Variants in HOOK1 observed in about 807,000 individuals in gnomAD.
HOOK1 encodes the protein hook microtubule tethering protein 1.
HOOK1 carries 60 observed loss-of-function variants against 112.8 expected under a neutral mutation model. The observed-to-expected ratio is 0.53, with a 90% CI of 0.43 to 0.66. The LOEUF is 0.66. HOOK1 is among the 30% of genes least tolerant of loss of function. The pLI is 0.00. For missense variants in HOOK1, 770 were observed against 856.0 expected (o/e 0.90, Z 1.25); for synonymous variants, 294 against 283.8 (o/e 1.04, Z -0.36).
At chr1:59,872,060 A>G (rs1395589096) in intron 21 of HOOK1, among the ~76,000 whole-genome samples, 1 of 152,192 alleles carries the variant, frequency 6.6e-6, no homozygotes, top group Non-Finnish European at 1.5e-5. Context: ...TATTGTAGCC[A>G]GGTAGTCCAT....
chr1:59,839,217 GT>G lies in HOOK1; in HGVS notation c.538-1088del, dbSNP rs550425265. Among the ~76,000 whole-genome samples the G allele has an allele frequency of 5.6e-4, 85 of 151,914 alleles. 1 individual carries two copies. Among genetic ancestry groups the G allele is most frequent in the Non-Finnish European group, 1.0e-3 (69 of 67,884 alleles). On this transcript the variant is annotated intron_variant, in intron 7 of 21. Transcript: ENST00000371208. Reference sequence around the variant, plus strand: ...GTTCCATATGAAGATTAAAGTAGTTGTTTCCAATTCTGTGAAGAAAGTCAGT... The same window carrying G: ...GTTCCATATGAAGATTAAAGTAGTTGTTCCAATTCTGTGAAGAAAGTCAGT...
chr1:59,872,152 AG>A (rs1644064936), intron 21 of HOOK1, among the ~76,000 whole-genome samples: 2 of 152,230 alleles, frequency 1.3e-5, no homozygotes, highest in Admixed American at 6.5e-5. Context: ...TGCTAAGTTC[AG>A]TAAAATTGTG....
Position 59,827,023 on chromosome 1 carries a change from C to G in HOOK1, c.150-1757C>G, listed in dbSNP as rs571197260. On this transcript the variant is annotated intron_variant, in intron 2 of 21. Transcript: ENST00000371208. ...CAGGTGATCTGGCTGCCTCGGCCCCCCAAAGCGCTGGGATTACAGGCATGA... is the reference window on the plus strand; with the variant it reads ...CAGGTGATCTGGCTGCCTCGGCCCCGCAAAGCGCTGGGATTACAGGCATGA... 1.2e-4 allele frequency among the ~76,000 whole-genome samples: 19 copies of G among 152,280 alleles called. No individual in the cohort carries two copies. The South Asian group carries it at 2.7e-3, about 22-fold the overall frequency.
chr1:59,855,625 G>C (rs1307854809), intron 12 of HOOK1, among the ~76,000 whole-genome samples: 2 of 151,746 alleles, frequency 1.3e-5, no homozygotes, highest in Admixed American at 1.3e-4. Context: ...TAAAGAATAA[G>C]GAAATTTTAT....
intron 1 of HOOK1, among the ~76,000 whole-genome samples, chr1:59,820,754 C>T (rs1300248294): frequency 6.6e-6 from 1 of 152,142 alleles, no homozygotes; most frequent in Non-Finnish European, 1.5e-5. Context: ...ATGTCTCTTC[C>T]TCCTCTCCTT....
At chr1:59,828,067 A>G (rs888591413) in intron 2 of HOOK1, among the ~76,000 whole-genome samples, 1 of 152,092 alleles carries the variant, frequency 6.6e-6, no homozygotes, top group African/African-American at 2.4e-5. Flanking sequence ...CTTCATATTA[A>G]TCTTGCTCAA....
At chr1:59,835,626 A>G (rs1028349331) in intron 6 of HOOK1, among the ~76,000 whole-genome samples, 9 of 152,142 alleles carry the variant, frequency 5.9e-5, no homozygotes, top group Non-Finnish European at 1.2e-4. Context: ...TGGTTAATAA[A>G]TTAATATTAT....
intron 2 of HOOK1, 145 bp from the exon 3 acceptor site, chr1:59,828,635 T>G: frequency 1.8e-6 from 1 of 570,500 alleles, no homozygotes; most frequent in Non-Finnish European, 3.0e-6. Context: ...CTTAATATGA[T>G]AAATTATTGC....
chr1:59,863,978 A>G (rs758384991), intron 16 of HOOK1: 10 of 183,162 alleles, frequency 5.5e-5, no homozygotes, highest in Non-Finnish European at 9.3e-5. Flanking sequence ...TTTAAAGATA[A>G]ATGTCTTTAT....
rs1267060237 is a variant in HOOK1 at position 59,868,330 on chromosome 1, G to C, written c.1926G>C (p.Glu642Asp). 1.3e-6 allele frequency: 2 copies of C among 1,598,528 alleles called. No homozygotes were observed. The highest frequency in any genetic ancestry group is 1.7e-5 in the Admixed American group (1 of 59,716). ...TAAGAAAGCAGTTGGCAGAGAAAGA[G>C]AGAAGAATTGAGATTCTGGAGGTAA... ...MLLRKQLAEK[E>D]RRIEILESEC... Residue 642 changes from glutamate to aspartate, a missense_variant, in exon 20 of 22, where the codon GAG (glutamate) becomes GAC (aspartate). Around this residue, in one of 3 missense-constraint regions of HOOK1, gnomAD observed 111 missense variants for 111.8 expected, o/e 0.99. Coordinates refer to ENST00000371208, the MANE Select transcript of HOOK1 (RefSeq NM_015888.6).
At position 59,843,548 on chromosome 1, in the gene HOOK1, G is replaced by A. The variant is rs2098402140; in HGVS notation, c.738G>A (p.Lys246=). 1.2e-6 allele frequency: 2 copies of A among 1,609,264 alleles called. No homozygotes were observed. The highest frequency in any genetic ancestry group is 1.3e-5 in the African/African-American group (1 of 74,480). ...FDDPNTVVAK[K]YFHAQLQLEQ... is the part of the protein sequence containing the mutation. The stretch of plus-strand genomic sequence containing the variant: ...ATCCAAACACAGTGGTTGCAAAAAA[G>A]TATTTTCATGCACAATTACAACTAG... Residue 246 remains lysine, a synonymous_variant, in exon 9 of 22, where the codon AAG becomes AAA. Transcript: ENST00000371208.
chr1:59,836,863 A>G lies in HOOK1; in HGVS notation c.475-10A>G. On this transcript the variant is annotated splice_polypyrimidine_tract_variant and intron_variant, in intron 6 of 21. Transcript: ENST00000371208. ...TTGTTATACTTAATTTTATTATTTTAATTTCCTAGTTGATGAGTAAAGAAA... is the reference window on the plus strand; with the variant it reads ...TTGTTATACTTAATTTTATTATTTTGATTTCCTAGTTGATGAGTAAAGAAA... The G allele has an allele frequency of 2.0e-6, 3 of 1,474,628 alleles. No homozygotes were observed. The highest frequency in any genetic ancestry group is 1.9e-6 in the Non-Finnish European group (2 of 1,064,558). The allele number at this position is 1,474,628 out of a possible 1,614,324, so 91.3% of individuals were successfully genotyped here.
intron 1 of HOOK1, among the ~76,000 whole-genome samples, chr1:59,818,468 C>G (rs1485803982): frequency 1.3e-5 from 2 of 152,174 alleles, no homozygotes; most frequent in East Asian, 1.9e-4. Context: ...TGTACTGCTA[C>G]TTAGCAGAAA....
At chr1:59,850,481 A>G (rs1448693637) in intron 12 of HOOK1, among the ~76,000 whole-genome samples, 2 of 151,444 alleles carry the variant, frequency 1.3e-5, no homozygotes, top group African/African-American at 4.8e-5. Flanking sequence ...TGTGTTTTTC[A>G]TTTAAACAGT....
intron 20 of HOOK1, 196 bp from the exon 21 acceptor site, chr1:59,870,846 G>T: frequency 2.1e-6 from 1 of 475,526 alleles, no homozygotes; most frequent in Non-Finnish European, 3.8e-6. Flanking sequence ...AGGTTTATTA[G>T]TCACAAACCT....
At position 59,871,118 on chromosome 1, in the gene HOOK1, G is replaced by A. The variant is rs763745981; in HGVS notation, c.2016+8G>A. 2 of 1,600,500 alleles carry A rather than the reference G, an allele frequency of 1.2e-6. No homozygotes were observed. Among genetic ancestry groups the A allele is most frequent in the South Asian group, 1.1e-5 (1 of 90,098 alleles). On this transcript the variant is annotated splice_region_variant and intron_variant, in intron 21 of 21. Transcript: ENST00000371208. The stretch of plus-strand genomic sequence containing the variant: ...TCTGCGTGGTATAATAAGGTGAGCT[G>A]AAGTTCAGCAAATGATTGGATGAGA...
chr1:59,858,524 T>C lies in HOOK1; in HGVS notation c.1330+9T>C. ...CCACCTAAACCAAACAGGTTAATTT[T>C]GTTAGATTTAGAAAAGTTTCAGCCT... On this transcript the variant is annotated intron_variant, in intron 13 of 21. Transcript: ENST00000371208. 6.3e-7 allele frequency: 1 copy of C among 1,593,146 alleles called. No individual in the cohort carries two copies. Among genetic ancestry groups the C allele is most frequent in the South Asian group, 1.1e-5 (1 of 90,652 alleles).
At chr1:59,867,672 A>G (rs113791271) in intron 19 of HOOK1, among the ~76,000 whole-genome samples, 2 of 152,276 alleles carry the variant, frequency 1.3e-5, no homozygotes, top group African/African-American at 4.8e-5. Flanking sequence ...CTGGTCAAAC[A>G]TATCTTTTTA....
At chr1:59,831,741 G>A (rs914697918) in intron 3 of HOOK1, among the ~76,000 whole-genome samples, 1 of 152,114 alleles carries the variant, frequency 6.6e-6, no homozygotes, top group East Asian at 1.9e-4. Flanking sequence ...CTAGTGTAGG[G>A]CCCATTTTCT....
Sources: gnomAD v4.1 joint callset for allele counts (sites outside exome capture counted in the v4.1 genomes callset) on GRCh38, gnomAD v4.1.1 for gene constraint, gnomAD v4.1.1 regional missense constraint, MANE v1.5 for transcripts, NCBI Gene and HGNC (gene_info 2026-07-23, HGNC 2026-07-21) for gene names.